The following NOL10 variants were observed in gnomAD, a reference collection of about 807,000 sequenced individuals.
NOL10 encodes H_NH0074G24.1.
A neutral mutation model predicts 103.5 loss-of-function variants in NOL10; 58 were observed. The observed-to-expected ratio is 0.56, with a 90% CI of 0.45 to 0.70. The LOEUF is 0.70. NOL10 is among the 30% of genes least tolerant of loss of function. The pLI is 0.00. For synonymous variants in NOL10, 287 were observed against 282.5 expected, an observed-to-expected ratio of 1.02 and a Z score of -0.16; for missense variants, 763 against 807.3, an observed-to-expected ratio of 0.95 and a Z score of 0.67.
intron 6 of NOL10, among the ~76,000 whole-genome samples, chr2:10,669,748 T>C (rs972093840): frequency 1.3e-5 from 2 of 151,484 alleles, no homozygotes; most frequent in African/African-American, 4.8e-5. Context: ...AAAAATTACC[T>C]GGGCGTGGCG....
At chr2:10,680,319 G>A (rs1474234930) in intron 3 of NOL10, among the ~76,000 whole-genome samples, 1 of 72,444 alleles carries the variant, frequency 1.4e-5, no homozygotes, top group Non-Finnish European at 2.5e-5. Flanking sequence ...GGAGAAGAGG[G>A]AGAAGAGGGA....
chr2:10,686,922 T>C (rs1682254575), intron 1 of NOL10, among the ~76,000 whole-genome samples: 2 of 152,134 alleles, frequency 1.3e-5, no homozygotes, highest in African/African-American at 4.8e-5. Flanking sequence ...CAAGCGGGGA[T>C]GTCAAGAAAC....
chr2:10,577,973 T>C (rs1209249003), intron 19 of NOL10, among the ~76,000 whole-genome samples: 2 of 152,178 alleles, frequency 1.3e-5, no homozygotes, highest in Non-Finnish European at 2.9e-5. Flanking sequence ...TAATTTAATA[T>C]CTTAAGTGGC....
At chr2:10,603,238 G>T (rs1676081634) in intron 14 of NOL10, 81 bp from the exon 15 acceptor site, 4 of 1,001,844 alleles carry the variant, frequency 4.0e-6, no homozygotes, top group South Asian at 1.5e-5. Flanking sequence ...GCAACAATTT[G>T]ATTATAGTAA....
At chr2:10,587,138 C>T (rs184041434) in intron 19 of NOL10, among the ~76,000 whole-genome samples, 765 of 15,642 alleles carry the variant, frequency 0.049, 178 homozygotes, top group Admixed American at 0.088. Flanking sequence ...TACATATATA[C>T]ACATATATAT....
In NOL10 at chr2:10,668,648, A is replaced by ATC; in HGVS notation, c.530+9_530+10insGA. Reference sequence around the variant, plus strand: ...AAAATGTATATAGCAGAATTACTAAAACTACTCACGCAGCATCAGTTTGTA... The same window carrying ATC: ...AAAATGTATATAGCAGAATTACTAAATCACTACTCACGCAGCATCAGTTTGTA... On this transcript the variant is annotated intron_variant, in intron 7 of 20. Transcript: ENST00000381685. The ATC allele has an allele frequency of 9.5e-7, 1 of 1,053,822 alleles. No individual in the cohort carries two copies. Among genetic ancestry groups the ATC allele is most frequent in the Non-Finnish European group, 1.3e-6 (1 of 774,288 alleles). The allele number at this position is 1,053,822 out of a possible 1,614,324, so 65.3% of individuals were successfully genotyped here. A position where few individuals can be genotyped will look rare whatever the true frequency, so the allele number is the denominator to read the frequency against.
chr2:10,675,705 C>T (rs1270700194), intron 4 of NOL10, 89 bp downstream of exon 4: 2 of 737,852 alleles, frequency 2.7e-6, no homozygotes, highest in Non-Finnish European at 4.5e-6. Flanking sequence ...CAATAAAAAA[C>T]TAATTACAAA....
intron 20 of NOL10, among the ~76,000 whole-genome samples, chr2:10,574,643 T>C (rs1301534871): frequency 1.9e-5 from 2 of 104,030 alleles, no homozygotes; most frequent in Non-Finnish European, 3.8e-5. Flanking sequence ...CGAGACTCTG[T>C]CTCAAAAAAA....
At chr2:10,676,220 T>C (rs1479652673) in intron 3 of NOL10, among the ~76,000 whole-genome samples, 2 of 152,228 alleles carry the variant, frequency 1.3e-5, no homozygotes, top group African/African-American at 2.4e-5. Context: ...TGTTGTTGAT[T>C]AGTATACAAT....
Position 10,663,040 on chromosome 2 carries a change from C to G in NOL10, c.596G>C (p.Arg199Thr). 1 of 1,613,414 alleles carries G rather than the reference C, an allele frequency of 6.2e-7. No individual in the cohort carries two copies. The highest frequency in any genetic ancestry group is 8.5e-7 in the Non-Finnish European group (1 of 1,179,388). Residue 199 changes from arginine (R) to threonine (T), a missense_variant, in exon 9 of 21, where the codon AGA (arginine) becomes ACA (threonine). Coordinates refer to ENST00000381685, the MANE Select transcript of NOL10 (RefSeq NM_024894.4). ...AGTTCTTGGGTCCCAGCACTCCACT[C>G]TACCCTATGCAAATGAAAAACAATT... ...GLFATGTIEG[R>T]VECWDPRTRN...
intron 13 of NOL10, among the ~76,000 whole-genome samples, chr2:10,629,324 T>C (rs1011650723): frequency 6.6e-6 from 1 of 152,236 alleles, no homozygotes; most frequent in African/African-American, 2.4e-5. Flanking sequence ...TTTTCTGATA[T>C]TTATGTATTT....
intron 9 of NOL10, among the ~76,000 whole-genome samples, chr2:10,662,599 T>C (rs1032009236): frequency 4.6e-5 from 7 of 150,650 alleles, no homozygotes; most frequent in Admixed American, 2.0e-4. Context: ...CAAGAAAATA[T>C]TAAAAAAACA....
intron 13 of NOL10, among the ~76,000 whole-genome samples, chr2:10,611,326 A>G (rs1423440276): frequency 2.0e-5 from 3 of 152,264 alleles, no homozygotes; most frequent in Non-Finnish European, 4.4e-5. Context: ...AATCTACTTG[A>G]GCGGAAGAAC....
intron 1 of NOL10, among the ~76,000 whole-genome samples, chr2:10,688,226 A>T (rs556282212): frequency 3.2e-4 from 48 of 152,188 alleles, no homozygotes; most frequent in African/African-American, 1.1e-3. Flanking sequence ...TGGACTACCT[A>T]ATTCATCCCG....
At chr2:10,608,987 T>A (rs1223423610) in intron 13 of NOL10, among the ~76,000 whole-genome samples, 2 of 152,142 alleles carry the variant, frequency 1.3e-5, no homozygotes, top group African/African-American at 2.4e-5. Context: ...AAGGCATTTT[T>A]AAAAAATTCC....
chr2:10,603,108 C>T lies in NOL10; in HGVS notation c.1203G>A (p.Gly401=), dbSNP rs1676067764. The T allele has an allele frequency of 1.2e-6, 2 of 1,611,236 alleles. No homozygotes were observed. The highest frequency in any genetic ancestry group is 1.1e-5 in the South Asian group (1 of 90,526). Residue 401 remains glycine (G), a synonymous_variant, in exon 15 of 21, where the codon GGG becomes GGA. Transcript: ENST00000381685. ...GSPFLRAYMH[G]FFMDIRLYHK... Reference sequence around the variant, plus strand: ...GATAGAGTCTTATATCCATGAAAAACCCATGCATATATGCCCGGAGGAAAG... The same window carrying T: ...GATAGAGTCTTATATCCATGAAAAATCCATGCATATATGCCCGGAGGAAAG...
chr2:10,598,136 C>T (rs553696193), intron 17 of NOL10, among the ~76,000 whole-genome samples: 1 of 152,318 alleles, frequency 6.6e-6, no homozygotes, highest in African/African-American at 2.4e-5. Context: ...TGTTCATCAA[C>T]TGAGTATGTT....
At chr2:10,626,382 G>A (rs1677467505) in intron 13 of NOL10, among the ~76,000 whole-genome samples, 1 of 152,092 alleles carries the variant, frequency 6.6e-6, no homozygotes, top group East Asian at 1.9e-4. Flanking sequence ...CTTACGTTGG[G>A]ATTTGAGAAC....
intron 13 of NOL10, among the ~76,000 whole-genome samples, chr2:10,625,233 T>G (rs1399273750): frequency 6.6e-6 from 1 of 152,142 alleles, no homozygotes; most frequent in Non-Finnish European, 1.5e-5. Context: ...ACCCACAGAA[T>G]GTACACCACC....
Sources: allele counts gnomAD v4.1 joint callset (sites outside exome capture counted in the v4.1 genomes callset), GRCh38; gene constraint gnomAD v4.1.1; transcripts MANE v1.5; gene names NCBI Gene and HGNC (gene_info 2026-07-23, HGNC 2026-07-21).